The following B3GALT1 variants were observed in gnomAD, a reference collection of about 807,000 sequenced individuals.
The protein encoded by B3GALT1 is UDP-Gal:betaGlcNAc beta 1,3-galactosyltransferase, polypeptide 1.
In B3GALT1, 10 loss-of-function variants were observed where a neutral mutation model predicts 23.2. The observed-to-expected ratio is 0.43, with a 90% CI of 0.27 to 0.73. The LOEUF (loss-of-function observed/expected upper bound fraction) is 0.73. Among genes scored for constraint, B3GALT1 ranks in the 30% least tolerant of loss-of-function variants. The probability of loss-of-function intolerance (pLI) is 0.21; values close to 1 mark genes in which losing one functional copy is unlikely to be tolerated. For missense variants in B3GALT1, 299 were observed against 405.4 expected (o/e 0.74, Z 2.25); for synonymous variants, 156 against 141.5 (o/e 1.10, Z -0.73).
chr2:167,519,323 T>C (rs1172972746), intron 2 of B3GALT1, among the ~76,000 whole-genome samples: 1 of 152,188 alleles, frequency 6.6e-6, no homozygotes, highest in Non-Finnish European at 1.5e-5. Flanking sequence ...TTAAGACTCA[T>C]TATTTAATTG....
intron 1 of B3GALT1, among the ~76,000 whole-genome samples, chr2:167,390,399 A>G (rs144782350): frequency 2.9e-3 from 442 of 152,316 alleles, no homozygotes; most frequent in African/African-American, 0.01. Flanking sequence ...CCCATTGCCA[A>G]TGGAAATGGA....
chr2:167,570,583 A>G (rs1684274354), intron 2 of B3GALT1, among the ~76,000 whole-genome samples: 2 of 151,982 alleles, frequency 1.3e-5, no homozygotes, highest in South Asian at 2.1e-4. Context: ...TATATTAGCT[A>G]TTAATCATTA....
intron 3 of B3GALT1, among the ~76,000 whole-genome samples, chr2:167,817,406 C>A (rs2105360217): frequency 6.6e-6 from 1 of 152,274 alleles, no homozygotes; most frequent in African/African-American, 2.4e-5. Context: ...TCTATGTATT[C>A]ATTTATTTGA....
At chr2:167,719,186 T>C (rs1297492857) in intron 3 of B3GALT1, among the ~76,000 whole-genome samples, 1 of 152,236 alleles carries the variant, frequency 6.6e-6, no homozygotes, top group Non-Finnish European at 1.5e-5. Flanking sequence ...TTTGAAATTA[T>C]CCCAAGCTTC....
chr2:167,354,438 C>T (rs1052840659), intron 1 of B3GALT1, among the ~76,000 whole-genome samples: 1 of 151,290 alleles, frequency 6.6e-6, no homozygotes, highest in African/African-American at 2.4e-5. Flanking sequence ...CCTCCGCCTC[C>T]TGGGTTCAAG....
At chr2:167,815,917 C>A (rs1688984742) in intron 3 of B3GALT1, among the ~76,000 whole-genome samples, 1 of 152,104 alleles carries the variant, frequency 6.6e-6, no homozygotes, top group Non-Finnish European at 1.5e-5. Context: ...TGGCAATTAT[C>A]CAAAAGAGTA....
intron 1 of B3GALT1, among the ~76,000 whole-genome samples, chr2:167,459,143 G>A (rs1461404655): frequency 2.0e-5 from 3 of 151,988 alleles, no homozygotes; most frequent in Non-Finnish European, 4.4e-5. Context: ...AGTTAATTCT[G>A]TCATTTTTTC....
intron 2 of B3GALT1, among the ~76,000 whole-genome samples, chr2:167,524,713 C>T (rs1239358186): frequency 6.6e-6 from 1 of 152,150 alleles, no homozygotes; most frequent in East Asian, 1.9e-4. Flanking sequence ...GTACTTCTCC[C>T]AGAAGACAAA....
At chr2:167,452,277 T>C (rs1367911399) in intron 1 of B3GALT1, among the ~76,000 whole-genome samples, 2 of 152,168 alleles carry the variant, frequency 1.3e-5, no homozygotes, top group Non-Finnish European at 2.9e-5. Flanking sequence ...CTCTCTGTGG[T>C]CTTTTCCCAG....
At chr2:167,709,976 T>C (rs144286435) in intron 3 of B3GALT1, among the ~76,000 whole-genome samples, 285 of 152,322 alleles carry the variant, frequency 1.9e-3, no homozygotes, top group Admixed American at 4.4e-3. Flanking sequence ...TTTATGTATA[T>C]ATTTGTGTAA....
chr2:167,618,949 T>A (rs1234172237), intron 2 of B3GALT1, among the ~76,000 whole-genome samples: 1 of 151,972 alleles, frequency 6.6e-6, no homozygotes, highest in Non-Finnish European at 1.5e-5. Flanking sequence ...GTTACCTTTT[T>A]TTTTTCTTTC....
In B3GALT1 at chr2:167,426,276, CTTTT is replaced by C. The variant is rs199670599; in HGVS notation, c.-510-63888_-510-63885del. On this transcript the variant is annotated intron_variant, in intron 1 of 4. Transcript: ENST00000392690. ...GGGCATTCAGGATTTGTTTATCATT[CTTTT>C]TTTTTTTTTTTTGAGATGGAGTCTT... 1.2e-3 allele frequency among the ~76,000 whole-genome samples: 170 copies of C among 137,590 alleles called. 1 individual carries two copies. The East Asian group carries it at 0.019, about 15-fold the overall frequency. The allele number at this position is 137,590 out of a possible 152,430, so 90.3% of individuals were successfully genotyped here. A position where few individuals can be genotyped will look rare whatever the true frequency, so the allele number is the denominator to read the frequency against.
intron 1 of B3GALT1, among the ~76,000 whole-genome samples, chr2:167,370,274 C>A (rs572810974): frequency 2.6e-5 from 4 of 152,234 alleles, no homozygotes; most frequent in African/African-American, 9.6e-5. Context: ...ACTGTTGTGC[C>A]TGTACACAAG....
chr2:167,571,617 A>G (rs1191402922), intron 2 of B3GALT1, among the ~76,000 whole-genome samples: 1 of 151,916 alleles, frequency 6.6e-6, no homozygotes, highest in Non-Finnish European at 1.5e-5. Context: ...CACCCAGTTT[A>G]TGGTTCAACT....
chr2:167,392,962 C>T (rs928309219), intron 1 of B3GALT1, among the ~76,000 whole-genome samples: 1 of 152,142 alleles, frequency 6.6e-6, no homozygotes, highest in Admixed American at 6.5e-5. Flanking sequence ...TAGCCGGGCG[C>T]AGTGGCTCAC....
At chr2:167,311,962 A>T (rs1295761541) in intron 1 of B3GALT1, among the ~76,000 whole-genome samples, 1 of 152,034 alleles carries the variant, frequency 6.6e-6, no homozygotes, top group African/African-American at 2.4e-5. Context: ...GTTTTTAAAA[A>T]GTCAGTTCAA....
At chr2:167,853,399 C>T (rs1689941764) in intron 4 of B3GALT1, among the ~76,000 whole-genome samples, 1 of 152,112 alleles carries the variant, frequency 6.6e-6, no homozygotes, top group African/African-American at 2.4e-5. Flanking sequence ...ATTGTCTCTT[C>T]CATGGATCTA....
At chr2:167,621,039 A>G (rs552835313) in intron 2 of B3GALT1, among the ~76,000 whole-genome samples, 30 of 150,756 alleles carry the variant, frequency 2.0e-4, no homozygotes, top group African/African-American at 7.3e-4. Context: ...ACTTAATGCT[A>G]GCTGCAATTG....
At chr2:167,801,517 G>T (rs1688638485) in intron 3 of B3GALT1, among the ~76,000 whole-genome samples, 1 of 152,092 alleles carries the variant, frequency 6.6e-6, no homozygotes, top group Non-Finnish European at 1.5e-5. Context: ...GACCTATATT[G>T]TCAAAGCCCC....
Sources: gnomAD v4.1 joint callset for allele counts (sites outside exome capture counted in the v4.1 genomes callset) on GRCh38, gnomAD v4.1.1 for gene constraint, MANE v1.5 for transcripts, NCBI Gene and HGNC (gene_info 2026-07-23, HGNC 2026-07-21) for gene names.